Variants in NVL observed in about 807,000 individuals in gnomAD.
NVL encodes the protein nuclear valosin-containing protein-like.
NVL carries 84 observed loss-of-function variants against 110.2 expected under a neutral mutation model. The ratio of observed to expected loss-of-function variants is 0.76; its 90% CI spans 0.64 to 0.91. NVL has a LOEUF of 0.91. NVL is among the 40% of genes least tolerant of loss of function. The pLI is 0.00. For synonymous variants in NVL, 354 were observed against 361.1 expected (o/e 0.98, Z 0.22); for missense variants, 882 against 1,035.9 (o/e 0.85, Z 2.04).
chr1:224,271,428 G>T (rs919637396), intron 17 of NVL, among the ~76,000 whole-genome samples: 2 of 152,130 alleles, frequency 1.3e-5, no homozygotes, highest in Admixed American at 1.3e-4. Context: ...GCTCAAGGCA[G>T]CAGGCAGTGA....
chr1:224,256,443 A>AC, intron 18 of NVL, among the ~76,000 whole-genome samples: 1 of 150,480 alleles, frequency 6.6e-6, no homozygotes, highest in South Asian at 2.1e-4. Flanking sequence ...AAAAAAAAAA[A>AC]AAAACCCACA....
intron 20 of NVL, among the ~76,000 whole-genome samples, chr1:224,235,956 A>G (rs985389424): frequency 2.0e-5 from 3 of 151,654 alleles, no homozygotes; most frequent in African/African-American, 4.8e-5. Flanking sequence ...GAAAAAAAAG[A>G]AAACAAAAAG....
At chr1:224,276,333 C>T (rs1234176874) in intron 16 of NVL, among the ~76,000 whole-genome samples, 1 of 152,126 alleles carries the variant, frequency 6.6e-6, no homozygotes, top group East Asian at 1.9e-4. Flanking sequence ...CGCCCCCAGG[C>T]TCAAGTGATT....
chr1:224,328,456 G>A (rs1486224987), intron 1 of NVL, among the ~76,000 whole-genome samples: 3 of 126,542 alleles, frequency 2.4e-5, no homozygotes, highest in Non-Finnish European at 4.9e-5. Flanking sequence ...GGAGGCAGAG[G>A]TTGCAGTGAG....
intron 2 of NVL, among the ~76,000 whole-genome samples, chr1:224,325,467 C>T (rs2102803783): frequency 6.7e-6 from 1 of 150,232 alleles, no homozygotes; most frequent in East Asian, 2.0e-4. Context: ...GGCGCTGTGG[C>T]TCACGTCTGT....
chr1:224,250,129 C>T (rs1662298102), intron 19 of NVL, 83 bp downstream of exon 19: 7 of 1,411,688 alleles, frequency 5.0e-6, no homozygotes. Flanking sequence ...AGTAATCAGT[C>T]AACGAAAATT....
intron 6 of NVL, among the ~76,000 whole-genome samples, chr1:224,306,811 G>A (rs1266824999): frequency 6.6e-6 from 1 of 152,142 alleles, no homozygotes; most frequent in Non-Finnish European, 1.5e-5. Flanking sequence ...ATGTCAGTCT[G>A]GGTGACAAGG....
At chr1:224,233,824 C>T (rs1187419283) in intron 20 of NVL, among the ~76,000 whole-genome samples, 1 of 151,956 alleles carries the variant, frequency 6.6e-6, no homozygotes, top group Non-Finnish European at 1.5e-5. Context: ...GGAAACAATA[C>T]AATGCATAAA....
chr1:224,237,776 G>C (rs376214752), intron 19 of NVL, among the ~76,000 whole-genome samples: 19 of 144,560 alleles, frequency 1.3e-4, no homozygotes, highest in Admixed American at 2.8e-4. Flanking sequence ...GCAGTGGTGC[G>C]ATCTTGGCTC....
At chr1:224,302,850 G>T in intron 9 of NVL, 1 of 247,448 alleles carries the variant, frequency 4.0e-6, no homozygotes, top group South Asian at 3.4e-5. Context: ...AGGAGTTTAA[G>T]ACCAGCCAGG....
intron 16 of NVL, among the ~76,000 whole-genome samples, chr1:224,277,317 T>C (rs997468294): frequency 6.6e-6 from 1 of 152,198 alleles, no homozygotes; most frequent in African/African-American, 2.4e-5. Flanking sequence ...AGTGTACAAA[T>C]ATAGTAGACT....
At chr1:224,268,635 C>T (rs1184802542) in intron 17 of NVL, among the ~76,000 whole-genome samples, 2 of 147,692 alleles carry the variant, frequency 1.4e-5, no homozygotes, top group African/African-American at 4.9e-5. Context: ...TGCACCCCAC[C>T]AAGACTAAGC....
At chr1:224,278,738 A>G (rs1666025207) in intron 16 of NVL, among the ~76,000 whole-genome samples, 1 of 146,718 alleles carries the variant, frequency 6.8e-6, no homozygotes, top group African/African-American at 2.5e-5. Flanking sequence ...GCAATATCCA[A>G]TTTTTTTTTT....
chr1:224,327,169 G>C (rs1280736317), intron 1 of NVL, among the ~76,000 whole-genome samples: 1 of 151,510 alleles, frequency 6.6e-6, no homozygotes, highest in African/African-American at 2.4e-5. Context: ...AAGCCCGGGC[G>C]TGGTGGCTCA....
intron 19 of NVL, among the ~76,000 whole-genome samples, chr1:224,247,594 G>A (rs556559743): frequency 6.2e-4 from 94 of 151,980 alleles, no homozygotes; most frequent in African/African-American, 2.2e-3. Flanking sequence ...ACCTGAATGC[G>A]GGAGGTGGAG....
rs201582614 is a variant in NVL at position 224,241,859 on chromosome 1, AAAAAAAAAAAT to A, written c.2290-5288_2290-5278del. Among the ~76,000 whole-genome samples the A allele has an allele frequency of 6.4e-4, 96 of 149,244 alleles. 1 individual carries two copies. In the East Asian group the frequency reaches 0.015, roughly 24 times the overall value. The stretch of plus-strand genomic sequence containing the variant: ...GAACAAGAGTGAGACCTCGTCTCAA[AAAAAAAAAAAT>A]AAAAAGAAAAAGAAAAACAGGTGTG... On this transcript the variant is annotated intron_variant, in intron 19 of 22. Coordinates refer to ENST00000281701, the MANE Select transcript of NVL (RefSeq NM_002533.4).
chr1:224,298,311 G>A, intron 10 of NVL: 1 of 264,208 alleles, frequency 3.8e-6, no homozygotes, highest in South Asian at 5.2e-5. Flanking sequence ...CACAAAACTG[G>A]AAGAGTCTAT....
intron 17 of NVL, among the ~76,000 whole-genome samples, chr1:224,270,511 T>A (rs550265304): frequency 6.6e-6 from 1 of 152,098 alleles, no homozygotes; most frequent in Non-Finnish European, 1.5e-5. Flanking sequence ...TAAGCCAAGA[T>A]TGCATCATTG....
intron 14 of NVL, among the ~76,000 whole-genome samples, chr1:224,287,306 ACGG>A (rs1666960951): frequency 6.6e-6 from 1 of 152,180 alleles, no homozygotes. Flanking sequence ...AAGTTGGTTA[ACGG>A]GTAAAAAAAA....
Sources: allele counts gnomAD v4.1 joint callset (sites outside exome capture counted in the v4.1 genomes callset), GRCh38; gene constraint gnomAD v4.1.1; transcripts MANE v1.5; gene names NCBI Gene and HGNC (gene_info 2026-07-23, HGNC 2026-07-21).